Variants in SND1 observed in about 807,000 individuals in gnomAD.
SND1 encodes the protein staphylococcal nuclease and tudor domain containing 1, also known as staphylococcal nuclease domain-containing protein 1.
A neutral mutation model predicts 121.7 loss-of-function variants in SND1; 38 were observed. The ratio of observed to expected loss-of-function variants is 0.31; its 90% CI spans 0.24 to 0.41. The LOEUF (loss-of-function observed/expected upper bound fraction) is 0.41. Among genes scored for constraint, SND1 ranks in the 10% least tolerant of loss-of-function variants. The pLI, the probability that SND1 is intolerant of heterozygous loss-of-function variation, is 1.00. For missense variants in SND1, 868 were observed against 1,184.6 expected, an observed-to-expected ratio of 0.73 and a Z score of 3.92; for synonymous variants, 401 against 447.4, an observed-to-expected ratio of 0.90 and a Z score of 1.31.
intron 10 of SND1, among the ~76,000 whole-genome samples, chr7:127,766,103 C>T (rs538945409): frequency 1.2e-4 from 19 of 152,248 alleles, no homozygotes; most frequent in Middle Eastern, 3.4e-3. Context: ...GGAATTTGGG[C>T]TCTTTGTTGC....
Position 128,003,338 on chromosome 7 carries a change from G to A in SND1, c.1779+12282G>A, listed in dbSNP as rs116204412. Among the ~76,000 whole-genome samples, 607 of 152,300 alleles carry A rather than the reference G, an allele frequency of 4.0e-3. 2 individuals carry two copies. The highest frequency in any genetic ancestry group is 0.013 in the African/African-American group (551 of 41,560). ...AGCAAGAACAGGTACCTCTTGAACCGAGAATGAAAGAAGGAACTGGAAACT... is the reference window on the plus strand; with the variant it reads ...AGCAAGAACAGGTACCTCTTGAACCAAGAATGAAAGAAGGAACTGGAAACT... On this transcript the variant is annotated intron_variant, in intron 16 of 23. Coordinates refer to ENST00000354725, the MANE Select transcript of SND1 (RefSeq NM_014390.4).
At chr7:128,030,924 G>A (rs988340377) in intron 16 of SND1, 23 of 336,838 alleles carry the variant, frequency 6.8e-5, no homozygotes, top group Non-Finnish European at 9.3e-5. Flanking sequence ...TCGGAAGGAA[G>A]GCAGGAAAGC....
chr7:128,028,599 A>T lies in SND1; in HGVS notation c.1779+37543A>T, dbSNP rs958640546. 7.5e-6 allele frequency: 10 copies of T among 1,326,078 alleles called. No individual in the cohort carries two copies. In the African/African-American group the frequency reaches 1.2e-4, roughly 16 times the overall value. The allele number at this position is 1,326,078 out of a possible 1,614,324, so 82.1% of individuals were successfully genotyped here. A position where few individuals can be genotyped will look rare whatever the true frequency, so the allele number is the denominator to read the frequency against. On this transcript the variant is annotated intron_variant, in intron 16 of 23. Transcript: ENST00000354725. ...TAATATATAAGCATATACAAGAAAAAGTCTCTCCCCACTCTGTACAAAAGT... is the reference window on the plus strand; with the variant it reads ...TAATATATAAGCATATACAAGAAAATGTCTCTCCCCACTCTGTACAAAAGT...
rs1309388887 is a variant in SND1 at position 128,004,720 on chromosome 7, T to C, written c.1779+13664T>C. On this transcript the variant is annotated intron_variant, in intron 16 of 23. Coordinates refer to ENST00000354725, the MANE Select transcript of SND1 (RefSeq NM_014390.4). The stretch of plus-strand genomic sequence containing the variant: ...CAGACATCAGATGTTCATCTTTGTG[T>C]TATGGGTTGTTATCCCCAGCCATCA... Among the ~76,000 whole-genome samples the C allele has an allele frequency of 2.0e-5, 3 of 152,338 alleles. No homozygotes were observed. In the South Asian group the frequency reaches 6.2e-4, roughly 32 times the overall value.
At chr7:127,676,221 G>A (rs1022065774) in intron 1 of SND1, among the ~76,000 whole-genome samples, 1 of 152,194 alleles carries the variant, frequency 6.6e-6, no homozygotes, top group Non-Finnish European at 1.5e-5. Context: ...AAGGGTCCCT[G>A]TCCTGCTTCC....
chr7:128,032,727 G>T (rs1792665546), intron 16 of SND1, among the ~76,000 whole-genome samples: 1 of 152,142 alleles, frequency 6.6e-6, no homozygotes, highest in Non-Finnish European at 1.5e-5. Flanking sequence ...TCGGGGGACG[G>T]CGGCCGGGGC....
intron 16 of SND1, among the ~76,000 whole-genome samples, chr7:128,020,439 G>C (rs1018957548): frequency 1.2e-4 from 19 of 152,332 alleles, no homozygotes; most frequent in South Asian, 1.2e-3. Flanking sequence ...GAGACTACAG[G>C]TAAGGTCTCT....
At chr7:127,793,827 C>T (rs2116547125) in intron 10 of SND1, among the ~76,000 whole-genome samples, 1 of 152,250 alleles carries the variant, frequency 6.6e-6, no homozygotes, top group East Asian at 1.9e-4. Context: ...CCTGACTGTC[C>T]TGTGCACTGT....
At chr7:127,930,854 T>G (rs1800944605) in intron 15 of SND1, among the ~76,000 whole-genome samples, 3 of 152,076 alleles carry the variant, frequency 2.0e-5, no homozygotes, top group African/African-American at 7.2e-5. Flanking sequence ...GATATTGCAT[T>G]TTTTTTATAG....
intron 10 of SND1, among the ~76,000 whole-genome samples, chr7:127,805,450 T>C (rs1349229422): frequency 6.6e-6 from 1 of 152,176 alleles, no homozygotes; most frequent in African/African-American, 2.4e-5. Flanking sequence ...GCCCCCACTT[T>C]TTTTAACAGG....
intron 10 of SND1, among the ~76,000 whole-genome samples, chr7:127,762,838 A>T (rs760296030): frequency 1.3e-5 from 2 of 152,226 alleles, no homozygotes; most frequent in Non-Finnish European, 2.9e-5. Flanking sequence ...TTAAGGAATA[A>T]TTGTAAAAGA....
chr7:128,052,841 T>C lies in SND1; in HGVS notation c.1780-21661T>C, dbSNP rs1043499636. On this transcript the variant is annotated intron_variant, in intron 16 of 23. Transcript: ENST00000354725. The surrounding 1 kb of genome is among the most constrained non-coding windows in gnomAD (Gnocchi z 4.6). The stretch of plus-strand genomic sequence containing the variant: ...GTCCCTTGGGGCAGAAAAATTATAG[T>C]TAAGAAAATTATGTGAAAAGACCAA... Among the ~76,000 whole-genome samples the C allele has an allele frequency of 5.3e-5, 8 of 152,162 alleles. No individual in the cohort carries two copies. Among genetic ancestry groups the C allele is most frequent in the Admixed American group, 4.6e-4 (7 of 15,288 alleles).
At chr7:127,655,646 A>G (rs1795197798) in intron 1 of SND1, among the ~76,000 whole-genome samples, 1 of 151,948 alleles carries the variant, frequency 6.6e-6, no homozygotes. Flanking sequence ...AGGATTTAAA[A>G]TCTGGGTTTC....
intron 9 of SND1, among the ~76,000 whole-genome samples, chr7:127,709,361 G>A (rs959890818): frequency 6.6e-6 from 1 of 152,166 alleles, no homozygotes; most frequent in Non-Finnish European, 1.5e-5. Context: ...TTCACTTTGA[G>A]AGTCTGTGAC....
At chr7:127,815,163 A>G (rs902620967) in intron 11 of SND1, among the ~76,000 whole-genome samples, 11 of 152,236 alleles carry the variant, frequency 7.2e-5, no homozygotes, top group African/African-American at 2.6e-4. Flanking sequence ...TCATGATGAT[A>G]TGTGTAGTGG....
chr7:127,786,675 GCTCTGT>G (rs1797817970), intron 10 of SND1, among the ~76,000 whole-genome samples: 1 of 151,888 alleles, frequency 6.6e-6, no homozygotes, highest in African/African-American at 2.4e-5. Context: ...ACGGAGTTTC[GCTCTGT>G]CGCCCAGGCT....
intron 2 of SND1, among the ~76,000 whole-genome samples, chr7:127,688,827 C>T (rs1031038008): frequency 6.6e-6 from 1 of 151,812 alleles, no homozygotes; most frequent in Non-Finnish European, 1.5e-5. Flanking sequence ...CTTTTGTGTG[C>T]TATTCCCTGC....
At chr7:127,947,828 GCT>G (rs1297875120) in intron 15 of SND1, among the ~76,000 whole-genome samples, 4 of 152,098 alleles carry the variant, frequency 2.6e-5, no homozygotes, top group Non-Finnish European at 4.4e-5. Context: ...CCCTCACTCA[GCT>G]CTGTTTTCCC....
intron 10 of SND1, among the ~76,000 whole-genome samples, chr7:127,769,649 G>A (rs1758954479): frequency 6.6e-6 from 1 of 151,094 alleles, no homozygotes; most frequent in Non-Finnish European, 1.5e-5. Context: ...TCTTTTCCTT[G>A]TATAATGTTG....
Sources: allele counts gnomAD v4.1 joint callset (sites outside exome capture counted in the v4.1 genomes callset), GRCh38; gene constraint gnomAD v4.1.1; non-coding constraint Gnocchi (gnomAD v3.1); transcripts MANE v1.5; gene names NCBI Gene and HGNC (gene_info 2026-07-23, HGNC 2026-07-21).